UBXN2A: variants seen among roughly 807,000 people sequenced by gnomAD.
UBXN2A encodes the protein UBX domain-containing protein 2A.
A neutral mutation model predicts 28.4 loss-of-function variants in UBXN2A; 28 were observed. The observed-to-expected ratio is 0.99, with a 90% CI of 0.73 to 1.35. The LOEUF is 1.35. Among genes scored for constraint, UBXN2A ranks in the 40% most tolerant of loss-of-function variants. The pLI, the probability that UBXN2A is intolerant of heterozygous loss-of-function variation, is 0.00. For synonymous variants in UBXN2A, 97 were observed against 103.6 expected (o/e 0.94, Z 0.39); for missense variants, 253 against 297.9 (o/e 0.85, Z 1.11).
chr2:23,943,209 C>A (rs1705859806), intron 1 of UBXN2A, among the ~76,000 whole-genome samples: 1 of 152,008 alleles, frequency 6.6e-6, no homozygotes, highest in Non-Finnish European at 1.5e-5. Context: ...CCCACTTCAG[C>A]CTCCCAAAGT....
At chr2:23,991,828 G>T (rs567038831) in intron 6 of UBXN2A, among the ~76,000 whole-genome samples, 1 of 151,946 alleles carries the variant, frequency 6.6e-6, no homozygotes, top group Admixed American at 6.6e-5. Context: ...TCTCAACTCT[G>T]TTGCCTAGGC....
chr2:23,965,089 C>T (rs1707107630), intron 2 of UBXN2A, among the ~76,000 whole-genome samples: 2 of 152,126 alleles, frequency 1.3e-5, no homozygotes, highest in African/African-American at 4.8e-5. Flanking sequence ...CTATGTTGCC[C>T]AGGCTGGTCT....
rs1706946837 is a variant in UBXN2A at position 23,962,000 on chromosome 2, A to G, written c.41+3645A>G. Among the ~76,000 whole-genome samples the G allele has an allele frequency of 2.6e-5, 4 of 151,990 alleles. No individual in the cohort carries two copies. The South Asian group carries it at 8.3e-4, about 32-fold the overall frequency. ...GTTGGGAGTACAGGTGCCCACCACC[A>G]TGCCTGGCTAATTTTTGTACTTTTA... On this transcript the variant is annotated intron_variant, in intron 2 of 6. Transcript: ENST00000309033.
intron 2 of UBXN2A, among the ~76,000 whole-genome samples, chr2:23,969,187 A>C (rs1335623012): frequency 1.3e-5 from 2 of 151,884 alleles, no homozygotes; most frequent in South Asian, 2.1e-4. Flanking sequence ...TACCTCACCC[A>C]GCTGATATTT....
At chr2:23,984,298 C>T (rs1327708220) in intron 5 of UBXN2A, among the ~76,000 whole-genome samples, 3 of 152,036 alleles carry the variant, frequency 2.0e-5, no homozygotes, top group Non-Finnish European at 4.4e-5. Context: ...TCATTATAAC[C>T]TAAGGACTAA....
At chr2:23,983,087 G>A in intron 5 of UBXN2A, 54 bp downstream of exon 5, 1 of 1,461,424 alleles carries the variant, frequency 6.8e-7, no homozygotes, top group Admixed American at 2.4e-5. Context: ...CTAATATTCT[G>A]TCTATCAGTA....
chr2:23,993,908 T>C (rs1708441819), intron 6 of UBXN2A, among the ~76,000 whole-genome samples: 1 of 152,160 alleles, frequency 6.6e-6, no homozygotes, highest in Non-Finnish European at 1.5e-5. Context: ...CAGGCTGGTC[T>C]CCAACTCCTG....
chr2:23,929,408 AT>A (rs1286550800), intron 1 of UBXN2A, among the ~76,000 whole-genome samples: 2 of 151,490 alleles, frequency 1.3e-5, no homozygotes, highest in East Asian at 2.0e-4. Context: ...TCTCAAAAAA[AT>A]ATTTAAAAAA....
At chr2:23,994,672 T>G (rs1708466493) in intron 6 of UBXN2A, among the ~76,000 whole-genome samples, 1 of 152,250 alleles carries the variant, frequency 6.6e-6, no homozygotes, top group Non-Finnish European at 1.5e-5. Flanking sequence ...CCTCATCTTT[T>G]TATTTTATCT....
In UBXN2A at chr2:23,999,777, ACT is replaced by A. The variant is rs1484383237; in HGVS notation, c.692_693del (p.Leu231HisfsTer23). 3 of 1,614,064 alleles carry A rather than the reference ACT, an allele frequency of 1.9e-6. No individual in the cohort carries two copies. The highest frequency in any genetic ancestry group is 1.1e-5 in the South Asian group (1 of 91,092). ...LPVLRLLDET[L>X]TLEEADLQNA... ...CTGTCCTCAGGTTGCTAGATGAGAC[ACT>A]CACACTGGAAGAAGCAGATTTACAG... On this transcript the variant is annotated frameshift_variant, in exon 7 of 7. Coordinates refer to ENST00000309033, the MANE Select transcript of UBXN2A (RefSeq NM_181713.4). LOFTEE classifies it high-confidence loss of function.
rs13386425 is a variant in UBXN2A at position 23,977,008 on chromosome 2, G to A, written c.220G>A (p.Val74Ile). ...AAAATTATGGAAAAACGGATTCACC[G>A]TCAACGACGATTTCAGAAGTTATTC... is the stretch of plus-strand genomic sequence containing the variant. ...NIKLWKNGFTVNDDFRSYSDG... is the reference protein window; with the variant it reads ...NIKLWKNGFTINDDFRSYSDG... Residue 74 changes from valine (V) to isoleucine (I), a missense_variant, in exon 4 of 7, where the codon GTC becomes ATC. Transcript: ENST00000309033. 24 of 1,612,608 alleles carry A rather than the reference G, an allele frequency of 1.5e-5. No individual in the cohort carries two copies. Among genetic ancestry groups the A allele is most frequent in the South Asian group, 8.8e-5 (8 of 90,986 alleles).
intron 5 of UBXN2A, 65 bp from the exon 6 acceptor site, chr2:23,984,608 T>C: frequency 8.0e-7 from 1 of 1,244,438 alleles, no homozygotes; most frequent in Non-Finnish European, 1.0e-6. Context: ...TTTATAGTAA[T>C]TATTTAATAA....
At chr2:23,983,966 G>A (rs1438445237) in intron 5 of UBXN2A, among the ~76,000 whole-genome samples, 5 of 152,196 alleles carry the variant, frequency 3.3e-5, no homozygotes, top group South Asian at 2.1e-4. Flanking sequence ...GTGAGCCACC[G>A]CACCCAGCCT....
intron 1 of UBXN2A, among the ~76,000 whole-genome samples, chr2:23,955,211 G>C (rs900763344): frequency 1.3e-5 from 2 of 152,076 alleles, no homozygotes; most frequent in Non-Finnish European, 2.9e-5. Context: ...GATTACAGGC[G>C]TGAGCCATCG....
intron 2 of UBXN2A, among the ~76,000 whole-genome samples, chr2:23,966,766 T>C: frequency 6.7e-6 from 1 of 150,138 alleles, no homozygotes. Flanking sequence ...TTTTTTTTTT[T>C]TTTTTTAATG....
intron 2 of UBXN2A, among the ~76,000 whole-genome samples, chr2:23,965,280 C>G (rs1365305949): frequency 6.6e-6 from 1 of 152,192 alleles, no homozygotes; most frequent in East Asian, 1.9e-4. Flanking sequence ...GACGCAGCAT[C>G]CTTGTCTTGT....
chr2:23,953,575 A>G (rs1377814542), intron 1 of UBXN2A, among the ~76,000 whole-genome samples: 1 of 152,226 alleles, frequency 6.6e-6, no homozygotes, highest in Non-Finnish European at 1.5e-5. Context: ...GGATTCTTTC[A>G]TAACTTTTTT....
chr2:23,937,508 G>A (rs556132366), upstream of UBXN2A, among the ~76,000 whole-genome samples: 10 of 152,214 alleles, frequency 6.6e-5, no homozygotes, highest in African/African-American at 2.4e-4. Context: ...AATGTACGGA[G>A]ACCCCATCTC....
chr2:23,944,201 A>G lies in UBXN2A; in HGVS notation c.-15+3553A>G, dbSNP rs548682709. Reference sequence around the variant, plus strand: ...CACTGATGGACACAACTAAGTTTGCACTCGTCTTCCCTCTCATGTATCATA... The same window carrying G: ...CACTGATGGACACAACTAAGTTTGCGCTCGTCTTCCCTCTCATGTATCATA... On this transcript the variant is annotated intron_variant, in intron 1 of 6. Transcript: ENST00000309033. 5.1e-4 allele frequency: 773 copies of G among 1,517,058 alleles called. 1 individual carries two copies. Among genetic ancestry groups the G allele is most frequent in the Non-Finnish European group, 6.9e-4 (753 of 1,097,450 alleles). The allele number at this position is 1,517,058 out of a possible 1,614,324, so 94.0% of individuals were successfully genotyped here.
Sources: gnomAD v4.1 joint callset for allele counts (sites outside exome capture counted in the v4.1 genomes callset) on GRCh38, gnomAD v4.1.1 for gene constraint, MANE v1.5 for transcripts, NCBI Gene and HGNC (gene_info 2026-07-23, HGNC 2026-07-21) for gene names.